The following POLRMT variants were observed in gnomAD, a reference collection of about 807,000 sequenced individuals.
POLRMT encodes the protein DNA-directed RNA polymerase, mitochondrial.
POLRMT carries 114 observed loss-of-function variants against 132.2 expected under a neutral mutation model. That is an observed-to-expected ratio of 0.86 (90% CI 0.74 to 1.01). POLRMT has a LOEUF of 1.01. POLRMT is among the 50% of genes least tolerant of loss of function. The probability of loss-of-function intolerance (pLI) is 0.00; values close to 1 mark genes in which losing one functional copy is unlikely to be tolerated. For missense variants in POLRMT, 2,003 were observed against 1,729.1 expected (o/e 1.16, Z -2.81); for synonymous variants, 1,020 against 773.4 (o/e 1.32, Z -5.29).
chr19:618,112 G>A (rs148944187), intron 17 of POLRMT: 85 of 569,758 alleles, frequency 1.5e-4, no homozygotes, highest in Middle Eastern at 1.4e-3. Context: ...CTCCGAGGGC[G>A]GCTACGAGGT....
rs767274514 is a variant in POLRMT at position 621,742 on chromosome 19, C to CG, written c.1955dup (p.Leu653AlafsTer109). ...CAGAGTGCGGCGATGTCCAGGGCAGCGGGGGGCAAAGCATGGGTACATCCA... is the reference window on the plus strand; with the variant it reads ...CAGAGTGCGGCGATGTCCAGGGCAGCGGGGGGGCAAAGCATGGGTACATCCA... On this transcript the variant is annotated frameshift_variant, in exon 10 of 21. Coordinates refer to ENST00000588649, the MANE Select transcript of POLRMT (RefSeq NM_005035.4). LOFTEE classifies it high-confidence loss of function. The CG allele has an allele frequency of 2.5e-6, 4 of 1,600,154 alleles. No homozygotes were observed. Among genetic ancestry groups the CG allele is most frequent in the East Asian group, 2.2e-5 (1 of 44,844 alleles).
Position 620,563 on chromosome 19 carries a change from A to C in POLRMT, c.2641-76T>G, listed in dbSNP as rs959820281. 8.3e-6 allele frequency: 12 copies of C among 1,443,666 alleles called. No homozygotes were observed. In the African/African-American group the frequency reaches 1.1e-4, roughly 14 times the overall value. 89.4% of individuals were successfully genotyped at this position (1,443,666 alleles called of 1,614,324 possible). A position where few individuals can be genotyped will look rare whatever the true frequency, so the allele number is the denominator to read the frequency against. On this transcript the variant is annotated intron_variant, in intron 10 of 20. Transcript: ENST00000588649. ...CCCGCTGGGAGGCTGTGTTGCGGGG[A>C]GGTGGGAAATGGGGAGGAGACGCAC...
At chr19:617,991 CCGCCCCT>C in intron 17 of POLRMT, 142 bp from the exon 18 acceptor site, 7 of 683,782 alleles carry the variant, frequency 1.0e-5, no homozygotes, top group African/African-American at 8.9e-5. Flanking sequence ...ACCCCTCGCC[CCGCCCCT>C]CCCCAAACAT....
chr19:626,893 A>ACACG (rs1985058611), intron 3 of POLRMT, among the ~76,000 whole-genome samples: 1 of 142,192 alleles, frequency 7.0e-6, no homozygotes, highest in Non-Finnish European at 1.5e-5. Flanking sequence ...ATATACACAC[A>ACACG]CACACATATA....
chr19:619,851 CCCA>C, intron 12 of POLRMT, 86 bp from the exon 13 acceptor site: 1 of 1,562,224 alleles, frequency 6.4e-7, no homozygotes, highest in Non-Finnish European at 8.7e-7. Flanking sequence ...CCGCCCCAGC[CCCA>C]CCACATCCTC....
Position 619,250 on chromosome 19 carries a change from T to C in POLRMT, c.3113A>G (p.Lys1038Arg), listed in dbSNP as rs1383026435. ...CCCCGAGAACATCTCCTGTAGACTC[T>C]TGAAGACCTGGCGTACGAGATAGTG... ...ASHYLVRQVF[K>R]SLQEMFSGTR... Residue 1038 changes from lysine to arginine, a missense_variant, in exon 14 of 21, where the codon AAG becomes AGG. Coordinates refer to ENST00000588649, the MANE Select transcript of POLRMT (RefSeq NM_005035.4). 2 of 1,607,600 alleles carry C rather than the reference T, an allele frequency of 1.2e-6. No individual in the cohort carries two copies. The highest frequency in any genetic ancestry group is 1.7e-6 in the Non-Finnish European group (2 of 1,178,696).
chr19:633,071 T>C, intron 1 of POLRMT, 133 bp from the exon 2 acceptor site: 1 of 708,112 alleles, frequency 1.4e-6, no homozygotes, highest in Non-Finnish European at 2.2e-6. Context: ...GGGCTTAAGT[T>C]GGAAAGAAAC....
In POLRMT at chr19:621,777, A is replaced by G. The variant is rs1362809473; in HGVS notation, c.1921T>C (p.Phe641Leu). ...AGCATGGGTACATCCACCGCCTCGA[A>G]GGTCAGCGTGGGCTCCGCGGCCTTC... ...LEKAAEPTLT[F>L]EAVDVPMLCP... The change falls in exon 10 of 21, where the codon TTC (phenylalanine) becomes CTC (leucine). Residue 641 changes from phenylalanine to leucine, a missense_variant. Physicochemically the swap from Phe to Leu is conservative, Grantham distance 22. Transcript: ENST00000588649. The G allele has an allele frequency of 4.0e-5, 64 of 1,601,936 alleles. No individual in the cohort carries two copies. Among genetic ancestry groups the G allele is most frequent in the Non-Finnish European group, 5.3e-5 (62 of 1,179,806 alleles).
Position 622,699 on chromosome 19 carries a change from C to T in POLRMT, c.1509G>A (p.Glu503=), listed in dbSNP as rs1162117339. 4.4e-6 allele frequency: 7 copies of T among 1,604,036 alleles called. No individual in the cohort carries two copies. The highest frequency in any genetic ancestry group is 5.9e-6 in the Non-Finnish European group (7 of 1,176,748). ...QGESFTTLAR[E]LSARTFSRHV... ...GCCGGCTGAAAGTGCGCGCACTCAG[C>T]TCCCGGGCCAGGGTGGTGAAGGACT... The change falls in exon 8 of 21, where the codon GAG becomes GAA. Residue 503 remains glutamate, a synonymous_variant. Coordinates refer to ENST00000588649, the MANE Select transcript of POLRMT (RefSeq NM_005035.4).
rs138982788 is a variant in POLRMT, at chr19:624,735, C to T, written c.1124G>A (p.Arg375Lys). The change falls in exon 5 of 21, where the codon AGG (arginine) becomes AAG (lysine). Residue 375 changes from arginine to lysine, a missense_variant. Coordinates refer to ENST00000588649, the MANE Select transcript of POLRMT (RefSeq NM_005035.4). ...TGGGCTCACCTTGGCATACACGTCC[C>T]TGAGCAGCTTGGAGGTGTTGACCGG... ...PPPVNTSKLL[R>K]DVYAKDGRVS... The T allele has an allele frequency of 1.9e-6, 3 of 1,613,592 alleles. No individual in the cohort carries two copies. In the African/African-American group the frequency reaches 4.0e-5, roughly 22 times the overall value.
At chr19:624,972 G>A (rs1490939780) in intron 4 of POLRMT, 67 bp from the exon 5 acceptor site, 4 of 1,546,042 alleles carry the variant, frequency 2.6e-6, no homozygotes, top group Non-Finnish European at 3.5e-6. Flanking sequence ...GACCCCAGGG[G>A]AACCTCGTGA....
At chr19:623,127 G>A (rs942971789) in intron 6 of POLRMT, 142 bp from the exon 7 acceptor site, 42 of 1,158,082 alleles carry the variant, frequency 3.6e-5, no homozygotes, top group Non-Finnish European at 4.7e-5. Flanking sequence ...TCCTCACCCC[G>A]GCCTGCCCTC....
rs1241035009 is a variant in POLRMT, at chr19:626,896, C to CATATATATATATAT, written c.823-1643_823-1642insATATATATATATAT. Among the ~76,000 whole-genome samples, 17 of 141,834 alleles carry CATATATATATATAT rather than the reference C, an allele frequency of 1.2e-4. 1 individual carries two copies. The highest frequency in any genetic ancestry group is 4.6e-4 in the African/African-American group (17 of 36,988). The allele number at this position is 141,834 out of a possible 152,430, so 93.0% of individuals were successfully genotyped here. A position where few individuals can be genotyped will look rare whatever the true frequency, so the allele number is the denominator to read the frequency against. Reference sequence around the variant, plus strand: ...CTCTGTCTTAAAATATACACACACACACATATATATATATATATAAAATAA... The same window carrying CATATATATATATAT: ...CTCTGTCTTAAAATATACACACACACATATATATATATATACATATATATATATATATAAAATAA... On this transcript the variant is annotated intron_variant, in intron 3 of 20. Transcript: ENST00000588649.
rs1984596462 is a variant in POLRMT, at chr19:621,498, G to A, written c.2200C>T (p.Pro734Ser). ...KGCPQLGVPA[P>S]PSEAPQPPEA... ...GGCGGCTGGGGCGCCTCGGAGGGCG[G>A]GGCCGGCACGCCTAGCTGGGGGCAG... Residue 734 changes from proline (P) to serine (S), a missense_variant, in exon 10 of 21, where the codon CCG becomes TCG. Transcript: ENST00000588649. 8 of 1,375,654 alleles carry A rather than the reference G, an allele frequency of 5.8e-6. No homozygotes were observed. The highest frequency in any genetic ancestry group is 7.5e-6 in the Non-Finnish European group (8 of 1,073,250). 85.2% of individuals were successfully genotyped at this position (1,375,654 alleles called of 1,614,324 possible).
At chr19:625,914 G>A (rs1006370807) in intron 3 of POLRMT, among the ~76,000 whole-genome samples, 1 of 151,972 alleles carries the variant, frequency 6.6e-6, no homozygotes, top group African/African-American at 2.4e-5. Context: ...TGCTGGCCAG[G>A]CTGGTCTCGA....
In POLRMT at chr19:630,046, T is replaced by C; in HGVS notation, c.316A>G (p.Lys106Glu). The C allele has an allele frequency of 6.2e-7, 1 of 1,613,834 alleles. No individual in the cohort carries two copies. Among genetic ancestry groups the C allele is most frequent in the Non-Finnish European group, 8.5e-7 (1 of 1,179,992 alleles). Residue 106 changes from lysine to glutamate, a missense_variant, in exon 3 of 21, where the codon AAG becomes GAG. Lys to Glu is a moderately conservative substitution (Grantham distance 56). Coordinates refer to ENST00000588649, the MANE Select transcript of POLRMT (RefSeq NM_005035.4). Reference sequence around the variant, plus strand: ...GCATCCTTGGCCCCCATCTGGACCTTCCTGGGTGGCTGGAGGCTACCATCT... The same window carrying C: ...GCATCCTTGGCCCCCATCTGGACCTCCCTGGGTGGCTGGAGGCTACCATCT... ...SGDGSLQPPR[K>E]VQMGAKDATP...
chr19:624,640 T>C (rs529666954), intron 5 of POLRMT, 79 bp downstream of exon 5: 216 of 1,489,038 alleles, frequency 1.5e-4, no homozygotes, highest in Middle Eastern at 7.5e-4. Flanking sequence ...GGGAGGCCCA[T>C]TGGTCTGAGC....
In POLRMT at chr19:620,384, G is replaced by C. The variant is rs1441346955; in HGVS notation, c.2744C>G (p.Ser915Cys). 1 of 1,580,510 alleles carries C rather than the reference G, an allele frequency of 6.3e-7. No individual in the cohort carries two copies. The highest frequency in any genetic ancestry group is 1.3e-5 in the African/African-American group (1 of 74,286). ...VRASDPAAYV[S>C]HLPVHQDGSC... The stretch of plus-strand genomic sequence containing the variant: ...GCTCACCTGATGGACGGGGAGGTGG[G>C]AGACATAGGCGGCAGGGTCGGAGGC... The change falls in exon 11 of 21, where the codon TCC (serine) becomes TGC (cysteine). Residue 915 changes from serine (S) to cysteine (C), a missense_variant. Transcript: ENST00000588649.
In POLRMT at chr19:622,658, T is replaced by C; in HGVS notation, c.1550A>G (p.Gln517Arg). 1 of 1,607,032 alleles carries C rather than the reference T, an allele frequency of 6.2e-7. No individual in the cohort carries two copies. Among genetic ancestry groups the C allele is most frequent in the Non-Finnish European group, 8.5e-7 (1 of 1,178,198 alleles). ...CGCCTGCACCTGGCCACTGACCCGC[T>C]GCCTCTGCACCACGTGCCGGCTGAA... ...RTFSRHVVQRQRVSGQVQALQ... is the reference protein window; with the variant it reads ...RTFSRHVVQRRRVSGQVQALQ... The change falls in exon 8 of 21, where the codon CAG (glutamine) becomes CGG (arginine). Residue 517 changes from glutamine (Q) to arginine (R), a missense_variant. Transcript: ENST00000588649.
Sources: gnomAD v4.1 joint callset for allele counts (sites outside exome capture counted in the v4.1 genomes callset) on GRCh38, gnomAD v4.1.1 for gene constraint, MANE v1.5 for transcripts, NCBI Gene and HGNC (gene_info 2026-07-23, HGNC 2026-07-21) for gene names.